The following PIK3C3 variants were observed in gnomAD, a reference collection of about 807,000 sequenced individuals.
PIK3C3 encodes PI3-kinase type 3.
A neutral mutation model predicts 126.1 loss-of-function variants in PIK3C3; 95 were observed. The ratio of observed to expected loss-of-function variants is 0.75; its 90% CI spans 0.64 to 0.89. The LOEUF (loss-of-function observed/expected upper bound fraction) is 0.89, where lower values mean the gene tolerates loss of function less well. Ranked by LOEUF, PIK3C3 falls within the 40% of genes least tolerant of loss-of-function variation. The pLI, the probability that PIK3C3 is intolerant of heterozygous loss-of-function variation, is 0.00. For synonymous variants in PIK3C3, 374 were observed against 360.0 expected, an observed-to-expected ratio of 1.04 and a Z score of -0.44; for missense variants, 829 against 1,063.2, an observed-to-expected ratio of 0.78 and a Z score of 3.06.
intron 4 of PIK3C3, among the ~76,000 whole-genome samples, chr18:41,981,859 C>T (rs1165937494): frequency 6.6e-6 from 1 of 150,686 alleles, no homozygotes; most frequent in African/African-American, 2.4e-5. Flanking sequence ...GCCTGTAATC[C>T]CAGCTACTCG....
At position 42,059,219 on chromosome 18, in the gene PIK3C3, C is replaced by G. The variant is rs994800935; in HGVS notation, c.2432+1168C>G. Among the ~76,000 whole-genome samples the G allele has an allele frequency of 2.6e-5, 4 of 152,088 alleles. No homozygotes were observed. The South Asian group carries it at 6.2e-4, about 24-fold the overall frequency. Reference sequence around the variant, plus strand: ...TCTTCATTGTAAACTCAGTCTTTTCCATGTATCACAAACCTGTAACAGGCA... The same window carrying G: ...TCTTCATTGTAAACTCAGTCTTTTCGATGTATCACAAACCTGTAACAGGCA... On this transcript the variant is annotated intron_variant, in intron 22 of 24. Coordinates refer to ENST00000262039, the MANE Select transcript of PIK3C3 (RefSeq NM_002647.4).
intron 14 of PIK3C3, among the ~76,000 whole-genome samples, chr18:42,028,651 G>T (rs1050938899): frequency 6.6e-5 from 10 of 152,024 alleles, no homozygotes; most frequent in African/African-American, 2.4e-4. Context: ...CTCTAATCTC[G>T]TTTCTGTTAC....
chr18:42,043,714 G>A lies in PIK3C3; in HGVS notation c.2104-19G>A. The A allele has an allele frequency of 6.5e-7, 1 of 1,533,712 alleles. No individual in the cohort carries two copies. Among genetic ancestry groups the A allele is most frequent in the Non-Finnish European group, 9.0e-7 (1 of 1,107,996 alleles). The stretch of plus-strand genomic sequence containing the variant: ...TTGTTTGTACTTAATTCTAAAACAT[G>A]TAAATAATGTCTTTTCAGAACTTTT... On this transcript the variant is annotated intron_variant, in intron 19 of 24. Transcript: ENST00000262039.
At position 42,062,422 on chromosome 18, in the gene PIK3C3, C is replaced by T. The variant is rs1203702668; in HGVS notation, c.2433-2318C>T. On this transcript the variant is annotated intron_variant, in intron 22 of 24. Coordinates refer to ENST00000262039, the MANE Select transcript of PIK3C3 (RefSeq NM_002647.4). ...AGCCCAACACAAATTCATAAACTTTCTTAAAACATTATGAGATTTTTTTTT... is the reference window on the plus strand; with the variant it reads ...AGCCCAACACAAATTCATAAACTTTTTTAAAACATTATGAGATTTTTTTTT... Among the ~76,000 whole-genome samples, 5 of 151,792 alleles carry T rather than the reference C, an allele frequency of 3.3e-5. No homozygotes were observed. The East Asian group carries it at 9.8e-4, about 30-fold the overall frequency.
intron 24 of PIK3C3, among the ~76,000 whole-genome samples, chr18:42,075,073 ACT>A (rs1356109844): frequency 6.6e-5 from 10 of 152,016 alleles, no homozygotes; most frequent in South Asian, 2.1e-4. Flanking sequence ...AACAAGTGTG[ACT>A]CTTTTTATAA....
At chr18:42,020,333 G>T (rs901152911) in intron 12 of PIK3C3, among the ~76,000 whole-genome samples, 1 of 152,160 alleles carries the variant, frequency 6.6e-6, no homozygotes, top group South Asian at 2.1e-4. Context: ...TGTCTTCATT[G>T]TTGCCTTTTC....
chr18:42,011,281 C>G (rs1420453105), intron 10 of PIK3C3, among the ~76,000 whole-genome samples: 1 of 152,154 alleles, frequency 6.6e-6, no homozygotes. Flanking sequence ...GTGTCTTATT[C>G]TAAAACAAGG....
chr18:41,959,429 A>T (rs565272534), intron 2 of PIK3C3, among the ~76,000 whole-genome samples: 1 of 152,276 alleles, frequency 6.6e-6, no homozygotes, highest in East Asian at 1.9e-4. Flanking sequence ...TTAAATTGTG[A>T]AAGTACTGGA....
chr18:42,047,299 A>G (rs1158845545), intron 20 of PIK3C3, among the ~76,000 whole-genome samples: 1 of 152,172 alleles, frequency 6.6e-6, no homozygotes, highest in African/African-American at 2.4e-5. Context: ...TCATATGCAC[A>G]TTATCGGTAG....
chr18:41,982,185 C>T (rs1283665634), intron 4 of PIK3C3, among the ~76,000 whole-genome samples: 2 of 152,156 alleles, frequency 1.3e-5, no homozygotes, highest in East Asian at 3.9e-4. Context: ...AAGAGTTAAG[C>T]TATGGCCTTT....
chr18:42,041,948 C>T (rs1984342114), intron 19 of PIK3C3, among the ~76,000 whole-genome samples: 1 of 152,128 alleles, frequency 6.6e-6, no homozygotes, highest in South Asian at 2.1e-4. Context: ...ACATAGTAGC[C>T]CTAAGGTTGC....
chr18:41,989,263 G>A (rs35566186), intron 5 of PIK3C3, among the ~76,000 whole-genome samples: 1 of 151,948 alleles, frequency 6.6e-6, no homozygotes, highest in South Asian at 2.1e-4. Flanking sequence ...TAGAGTCAGG[G>A]TCTGGCTATA....
intron 9 of PIK3C3, among the ~76,000 whole-genome samples, chr18:42,000,523 G>A (rs1165362557): frequency 6.6e-6 from 1 of 152,182 alleles, no homozygotes; most frequent in Non-Finnish European, 1.5e-5. Context: ...ATGGCCAGGG[G>A]TTAGGCCTGA....
chr18:42,011,221 G>A (rs968354072), intron 10 of PIK3C3, among the ~76,000 whole-genome samples: 5 of 152,166 alleles, frequency 3.3e-5, no homozygotes, highest in South Asian at 4.1e-4. Context: ...CACTGCCTAC[G>A]TTAGACCCTT....
chr18:42,045,711 G>A (rs1333401139), intron 20 of PIK3C3, among the ~76,000 whole-genome samples: 7 of 152,060 alleles, frequency 4.6e-5, no homozygotes, highest in African/African-American at 1.2e-4. Flanking sequence ...TTGAGGGGAC[G>A]GAATATATAT....
At chr18:41,957,069 G>A (rs944449560) in intron 1 of PIK3C3, among the ~76,000 whole-genome samples, 1 of 152,164 alleles carries the variant, frequency 6.6e-6, no homozygotes, top group African/African-American at 2.4e-5. Flanking sequence ...AAAACATGCA[G>A]TTAAAAGTAA....
At chr18:41,978,170 G>A (rs1265074037) in intron 4 of PIK3C3, among the ~76,000 whole-genome samples, 1 of 152,002 alleles carries the variant, frequency 6.6e-6, no homozygotes, top group Non-Finnish European at 1.5e-5. Flanking sequence ...GCCCATGCTG[G>A]TCTCAAACTC....
rs1986373847 is a variant in PIK3C3, at chr18:42,085,180, G to A, written c.*4043G>A. ...ATAGGTACAATGTAAATACTGGTAA[G>A]TGAAAGTTCATTTTGTTCAGTGCTA... On this transcript the variant is annotated 3_prime_UTR_variant, in exon 25 of 25. Transcript: ENST00000262039. 2 of 152,110 alleles carry A rather than the reference G, an allele frequency of 1.3e-5. No homozygotes were observed. 9.4% of individuals were successfully genotyped at this position (152,110 alleles called of 1,614,324 possible).
intron 2 of PIK3C3, 59 bp downstream of exon 2, chr18:41,957,817 G>A (rs1979867025): frequency 2.3e-6 from 3 of 1,288,770 alleles, no homozygotes; most frequent in Non-Finnish European, 3.2e-6. Context: ...CTTTATGGAT[G>A]CTGCAAGTAT....
Sources: allele counts gnomAD v4.1 joint callset (sites outside exome capture counted in the v4.1 genomes callset), GRCh38; gene constraint gnomAD v4.1.1; transcripts MANE v1.5; gene names NCBI Gene and HGNC (gene_info 2026-07-23, HGNC 2026-07-21).